CPAP: variants seen among roughly 807,000 people sequenced by gnomAD.
CPAP encodes centrosome assembly and centriole elongation protein.
the CPAP span, chr13:24,885,420 C>T: frequency 1.2e-5 from 18 of 1,448,022 alleles, no homozygotes; most frequent in Non-Finnish European, 1.6e-5. Flanking sequence ...CAGCTAAAAC[C>T]TACTCTTACT....
chr13:24,905,002 G>A, the CPAP span, among the ~76,000 whole-genome samples: 1 of 152,076 alleles, frequency 6.6e-6, no homozygotes, highest in Non-Finnish European at 1.5e-5. Flanking sequence ...GTATAGAAAG[G>A]TAATTATATA....
the CPAP span, among the ~76,000 whole-genome samples, chr13:24,895,446 C>T: frequency 5.3e-5 from 8 of 152,158 alleles, no homozygotes; most frequent in South Asian, 1.2e-3. Flanking sequence ...GGCGTGGTGG[C>T]GGGTGCCTGT....
At chr13:24,893,423 C>A in the CPAP span, among the ~76,000 whole-genome samples, 1 of 152,252 alleles carries the variant, frequency 6.6e-6, no homozygotes, top group Admixed American at 6.5e-5. Flanking sequence ...GTGATAGCGA[C>A]TGACCTAGAG....
the CPAP span, among the ~76,000 whole-genome samples, chr13:24,921,810 T>C: frequency 1.3e-5 from 2 of 152,158 alleles, no homozygotes; most frequent in African/African-American, 2.4e-5. Flanking sequence ...AGCCAGACTT[T>C]TGCATCTCCT....
chr13:24,912,372 C>T, the CPAP span, among the ~76,000 whole-genome samples: 1 of 152,172 alleles, frequency 6.6e-6, no homozygotes, highest in Non-Finnish European at 1.5e-5. Context: ...CCATTTCTTA[C>T]TTTTCGCCAA....
the CPAP span, among the ~76,000 whole-genome samples, chr13:24,893,752 T>C: frequency 3.2e-4 from 48 of 152,376 alleles, no homozygotes; most frequent in Non-Finnish European, 5.7e-4. Flanking sequence ...TGCAGGAATA[T>C]GGATTTAATA....
chr13:24,928,193 A>AT, the CPAP span, among the ~76,000 whole-genome samples: 111 of 152,312 alleles, frequency 7.3e-4, no homozygotes, highest in African/African-American at 2.5e-3. Flanking sequence ...TAAACACTGC[A>AT]TACCTGTGTC....
chr13:24,922,588 GCCGTGGGCCTCAGCGCGC>G, the CPAP span, among the ~76,000 whole-genome samples: 4 of 152,222 alleles, frequency 2.6e-5, no homozygotes, highest in Non-Finnish European at 5.9e-5. Flanking sequence ...CCACTGAACT[GCCGTGGGCCTCAGCGCGC>G]CCGTGGGCCT....
At chr13:24,915,714 G>T in the CPAP span, among the ~76,000 whole-genome samples, 1 of 152,122 alleles carries the variant, frequency 6.6e-6, no homozygotes, top group East Asian at 1.9e-4. Context: ...CAGGAGAATT[G>T]CTTGAACCCA....
the CPAP span, among the ~76,000 whole-genome samples, chr13:24,917,376 A>G: frequency 6.6e-6 from 1 of 152,240 alleles, no homozygotes; most frequent in Non-Finnish European, 1.5e-5. Context: ...TTTCCACTTT[A>G]ATTAAAGTTA....
the CPAP span, among the ~76,000 whole-genome samples, chr13:24,889,702 A>C: frequency 1.3e-5 from 2 of 152,084 alleles, no homozygotes; most frequent in Non-Finnish European, 2.9e-5. Context: ...CAGGCCCTTC[A>C]GCTCATGGTG....
chr13:24,911,828 A>G, the CPAP span: 8 of 1,237,260 alleles, frequency 6.5e-6, no homozygotes, highest in South Asian at 9.7e-5. Flanking sequence ...TTATCGGGCT[A>G]GCCTTTAAAG....
chr13:24,912,146 C>T, the CPAP span: 1 of 1,367,492 alleles, frequency 7.3e-7, no homozygotes, highest in Non-Finnish European at 1.0e-6. Context: ...TAATTCCTCC[C>T]ATCTCCCTCC....
At chr13:24,921,870 G>T in the CPAP span, among the ~76,000 whole-genome samples, 2 of 151,862 alleles carry the variant, frequency 1.3e-5, no homozygotes, top group African/African-American at 4.8e-5. Flanking sequence ...TTTCATGACC[G>T]CGATTCTAAA....
chr13:24,882,635 T>C, the CPAP span: 1 of 155,300 alleles, frequency 6.4e-6, no homozygotes, highest in Admixed American at 6.4e-5. Flanking sequence ...CCATGATTAC[T>C]ACCTGTTGTG....
At chr13:24,884,252 A>G in the CPAP span, 1 of 1,613,992 alleles carries the variant, frequency 6.2e-7, no homozygotes, top group African/African-American at 1.3e-5. Context: ...AGATCTGTAA[A>G]GACACACAGT....
At chr13:24,925,050 C>T in the CPAP span, among the ~76,000 whole-genome samples, 787 of 152,290 alleles carry the variant, frequency 5.2e-3, 4 homozygotes, top group Non-Finnish European at 8.1e-3. Context: ...CTCTTGTCTA[C>T]CAAAGCCTAG....
At chr13:24,933,178 G>A in the CPAP span, 57 of 1,402,182 alleles carry the variant, frequency 4.1e-5, no homozygotes, top group Admixed American at 2.5e-4. Flanking sequence ...AAAACATCGC[G>A]CATTCAGGGA....
At chr13:24,904,805 T>G in the CPAP span, among the ~76,000 whole-genome samples, 2 of 152,226 alleles carry the variant, frequency 1.3e-5, no homozygotes, top group South Asian at 4.1e-4. Flanking sequence ...ACCTATGCTC[T>G]GCTAGTTTAT....
Sources: allele counts gnomAD v4.1 joint callset (sites outside exome capture counted in the v4.1 genomes callset), GRCh38; gene constraint gnomAD v4.1.1; transcripts MANE v1.5; gene names NCBI Gene and HGNC (gene_info 2026-07-23, HGNC 2026-07-21).